ALG14: variants seen among roughly 807,000 people sequenced by gnomAD.
The protein encoded by ALG14 is UDP-N-acetylglucosamine transferase subunit ALG14.
A neutral mutation model predicts 22.8 loss-of-function variants in ALG14; 17 were observed. The ratio of observed to expected loss-of-function variants is 0.75; its 90% confidence interval spans 0.51 to 1.12. ALG14 has a LOEUF of 1.12. Ranked by LOEUF, ALG14 falls within the 50% of genes most tolerant of loss-of-function variation. ALG14 has a pLI of 0.00. For synonymous variants in ALG14, 89 were observed against 103.7 expected (o/e 0.86, Z 0.86); for missense variants, 288 against 271.8 (o/e 1.06, Z -0.42).
At chr1:95,063,082 G>C (rs1007915904) in intron 2 of ALG14, among the ~76,000 whole-genome samples, 4 of 152,080 alleles carry the variant, frequency 2.6e-5, no homozygotes, top group African/African-American at 4.8e-5. Flanking sequence ...ATGTTTGTTG[G>C]CTGCATGAAT....
chr1:95,049,183 T>C (rs1416685667), intron 2 of ALG14, among the ~76,000 whole-genome samples: 1 of 152,210 alleles, frequency 6.6e-6, no homozygotes, highest in African/African-American at 2.4e-5. Flanking sequence ...TTAATTTTTT[T>C]CTTGCATGAG....
intron 3 of ALG14, among the ~76,000 whole-genome samples, chr1:94,986,580 C>T (rs1287386024): frequency 6.6e-6 from 1 of 152,052 alleles, no homozygotes; most frequent in Non-Finnish European, 1.5e-5. Context: ...TCACGTGATT[C>T]TCCTGCCTCA....
intron 1 of ALG14, among the ~76,000 whole-genome samples, chr1:95,066,404 A>C (rs1675370297): frequency 6.6e-6 from 1 of 152,080 alleles, no homozygotes; most frequent in East Asian, 1.9e-4. Context: ...TTGTATTTTT[A>C]GTAGAGACAG....
At chr1:95,036,816 G>A (rs988709289) in intron 2 of ALG14, among the ~76,000 whole-genome samples, 1 of 152,170 alleles carries the variant, frequency 6.6e-6, no homozygotes, top group South Asian at 2.1e-4. Context: ...GATGGGTCCT[G>A]CTGATAACCA....
At chr1:95,048,186 T>C (rs1390584603) in intron 2 of ALG14, among the ~76,000 whole-genome samples, 2 of 152,190 alleles carry the variant, frequency 1.3e-5, no homozygotes, top group African/African-American at 4.8e-5. Context: ...TAATGTTTAT[T>C]GGGAAAACAT....
chr1:95,063,888 C>T lies in ALG14; in HGVS notation c.288+978G>A, dbSNP rs142675532. Among the ~76,000 whole-genome samples the T allele has an allele frequency of 1.4e-3, 211 of 152,298 alleles. 3 individuals carry two copies. The highest frequency in any genetic ancestry group is 4.6e-3 in the African/African-American group (193 of 41,574). On this transcript the variant is annotated intron_variant, in intron 2 of 3. Coordinates refer to ENST00000370205, the MANE Select transcript of ALG14 (RefSeq NM_144988.4). The stretch of plus-strand genomic sequence containing the variant: ...TACTTTGGGCAGTATAGCCATTTCA[C>T]AATATTGATTCTTCCTATCCATGAG...
chr1:95,008,633 A>G (rs1465070465), intron 3 of ALG14, among the ~76,000 whole-genome samples: 4 of 152,148 alleles, frequency 2.6e-5, no homozygotes. Context: ...GTAGCAGGAG[A>G]GCTATGGTTG....
At chr1:94,996,921 G>A (rs150603972) in intron 3 of ALG14, among the ~76,000 whole-genome samples, 6,890 of 152,202 alleles carry the variant, frequency 0.045, 201 homozygotes, top group South Asian at 0.084. Context: ...GACCTCAGGT[G>A]ATCCACCCGC....
chr1:95,052,065 A>T (rs1224900079), intron 2 of ALG14, among the ~76,000 whole-genome samples: 1 of 152,246 alleles, frequency 6.6e-6, no homozygotes, highest in African/African-American at 2.4e-5. Context: ...TATTTGTTAA[A>T]TAAGTTTGTG....
At chr1:95,000,603 A>T (rs1266131310) in intron 3 of ALG14, among the ~76,000 whole-genome samples, 1 of 150,186 alleles carries the variant, frequency 6.7e-6, no homozygotes, top group Non-Finnish European at 1.5e-5. Context: ...GTGATCATTT[A>T]GGTACAACCA....
chr1:95,014,681 CAATT>C (rs1673454081), intron 3 of ALG14, among the ~76,000 whole-genome samples: 1 of 152,080 alleles, frequency 6.6e-6, no homozygotes, highest in South Asian at 2.1e-4. Flanking sequence ...CTTATAATTA[CAATT>C]ATTTACAAAT....
chr1:95,015,270 T>C (rs1673469016), intron 3 of ALG14, among the ~76,000 whole-genome samples: 1 of 152,154 alleles, frequency 6.6e-6, no homozygotes, highest in African/African-American at 2.4e-5. Flanking sequence ...CTGGTAGAAC[T>C]AGCGTGTTCC....
At chr1:95,047,645 GT>G (rs899876500) in intron 2 of ALG14, among the ~76,000 whole-genome samples, 1 of 152,016 alleles carries the variant, frequency 6.6e-6, no homozygotes, top group Non-Finnish European at 1.5e-5. Flanking sequence ...TGCCTGGCCT[GT>G]TTTTTTGCAT....
intron 3 of ALG14, among the ~76,000 whole-genome samples, chr1:94,996,464 C>T (rs917273957): frequency 2.0e-5 from 3 of 152,196 alleles, no homozygotes; most frequent in African/African-American, 7.2e-5. Context: ...ACTTTAGGGG[C>T]AAGCAGCCCT....
intron 3 of ALG14, among the ~76,000 whole-genome samples, chr1:95,023,167 C>T (rs1673713524): frequency 6.6e-6 from 1 of 151,912 alleles, no homozygotes; most frequent in South Asian, 2.1e-4. Context: ...CTTACTCTAT[C>T]CCCCAGGCTG....
intron 1 of ALG14, among the ~76,000 whole-genome samples, 187 bp from the exon 2 acceptor site, chr1:95,065,204 A>G (rs1675315807): frequency 6.6e-6 from 1 of 152,236 alleles, no homozygotes; most frequent in Non-Finnish European, 1.5e-5. Context: ...CAACTTTTAT[A>G]TCAAAAGCAG....
chr1:95,001,192 T>C (rs1286931478), intron 3 of ALG14, among the ~76,000 whole-genome samples: 3 of 152,256 alleles, frequency 2.0e-5, no homozygotes, highest in Admixed American at 2.0e-4. Flanking sequence ...CTTCTCAGTC[T>C]ATCCTTCCCT....
intron 2 of ALG14, among the ~76,000 whole-genome samples, chr1:95,037,313 C>G (rs1674231995): frequency 6.6e-6 from 1 of 152,196 alleles, no homozygotes; most frequent in African/African-American, 2.4e-5. Context: ...ATGGAGGAAT[C>G]ATTCCTGGCT....
chr1:94,981,682 T>G lies in ALG14; in HGVS notation c.*1394A>C, dbSNP rs1413134728. 7.2e-6 allele frequency: 1 copy of G among 139,634 alleles called. No individual in the cohort carries two copies. The highest frequency in any genetic ancestry group is 1.6e-5 in the Non-Finnish European group (1 of 62,852). 8.6% of individuals were successfully genotyped at this position (139,634 alleles called of 1,614,324 possible). On this transcript the variant is annotated 3_prime_UTR_variant, in exon 4 of 4. Coordinates refer to ENST00000370205, the MANE Select transcript of ALG14 (RefSeq NM_144988.4). ...CTCTTTTCTGTTTTTTATTTTGTTT[T>G]GTTTTTTTTTTTTTTGGCTGCTTTG... is the stretch of plus-strand genomic sequence containing the variant.
Sources: allele counts gnomAD v4.1 joint callset (sites outside exome capture counted in the v4.1 genomes callset), GRCh38; gene constraint gnomAD v4.1.1; transcripts MANE v1.5; gene names NCBI Gene and HGNC (gene_info 2026-07-23, HGNC 2026-07-21).